Variants in SLC2A14 observed in about 807,000 individuals in gnomAD.
The protein encoded by SLC2A14 is solute carrier family 2 member 14, also known as solute carrier family 2, facilitated glucose transporter member 14.
Under a neutral mutation model 43.0 loss-of-function variants are expected in SLC2A14, and 13 were observed. The ratio of observed to expected loss-of-function variants is 0.30; its 90% confidence interval spans 0.20 to 0.48. The LOEUF (loss-of-function observed/expected upper bound fraction) is 0.48. Ranked by LOEUF, SLC2A14 falls within the 20% of genes least tolerant of loss-of-function variation. The probability of loss-of-function intolerance (pLI) is 0.99; values close to 1 mark genes in which losing one functional copy is unlikely to be tolerated. For missense variants in SLC2A14, 428 were observed against 620.4 expected (o/e 0.69, Z 3.29); for synonymous variants, 190 against 233.8 (o/e 0.81, Z 1.71).
intron 2 of SLC2A14, among the ~76,000 whole-genome samples, chr12:7,836,414 G>T (rs867722514): frequency 6.6e-6 from 1 of 152,130 alleles, no homozygotes; most frequent in African/African-American, 2.4e-5. Flanking sequence ...TAGAGACAGG[G>T]TTTCATCATG....
chr12:7,829,479 T>C lies in SLC2A14; in HGVS notation c.513+287A>G, dbSNP rs759826671. 9.4e-5 allele frequency among the ~76,000 whole-genome samples: 14 copies of C among 149,376 alleles called. No homozygotes were observed. In the South Asian group the frequency reaches 3.0e-3, roughly 32 times the overall value. ...GGAGGCTGAGGCATGAGAATCACTTTAACCCAGGAGGCAGAGGTTGGGCCG... is the reference window on the plus strand; with the variant it reads ...GGAGGCTGAGGCATGAGAATCACTTCAACCCAGGAGGCAGAGGTTGGGCCG... On this transcript the variant is annotated intron_variant, in intron 5 of 10. Transcript: ENST00000431042.
Position 7,829,905 on chromosome 12 carries a change from C to T in SLC2A14, c.374G>A (p.Arg125His), listed in dbSNP as rs770629394. The T allele has an allele frequency of 1.6e-5, 26 of 1,614,170 alleles. No homozygotes were observed. The Middle Eastern group carries it at 5.0e-4, about 31-fold the overall frequency. Residue 125 changes from arginine (R) to histidine (H), a missense_variant, in exon 5 of 11, where the codon CGC becomes CAC. Coordinates refer to ENST00000431042, the MANE Select transcript of SLC2A14 (RefSeq NM_001286234.2). The stretch of plus-strand genomic sequence containing the variant: ...TCCGCAGAAGAGGCCAATAACCAAG[C>T]GGCCCAGGATCAGCATTTCAACTGA... ...AESVEMLILG[R>H]LVIGLFCGLC...
At chr12:7,851,315 G>A (rs370781158) in intron 2 of SLC2A14, among the ~76,000 whole-genome samples, 4 of 152,194 alleles carry the variant, frequency 2.6e-5, no homozygotes, top group Middle Eastern at 3.4e-3. Flanking sequence ...AATACTTCCT[G>A]ACCAATGCAT....
At chr12:7,870,649 C>T (rs1351197122) in intron 1 of SLC2A14, among the ~76,000 whole-genome samples, 5 of 152,086 alleles carry the variant, frequency 3.3e-5, no homozygotes, top group Non-Finnish European at 5.9e-5. Context: ...CCTTCCCCAC[C>T]CTGCGCCTCA....
intron 2 of SLC2A14, among the ~76,000 whole-genome samples, chr12:7,848,846 G>A (rs1054820190): frequency 1.7e-4 from 25 of 151,156 alleles, no homozygotes; most frequent in African/African-American, 5.1e-4. Flanking sequence ...ATGAGCCACC[G>A]CGCCCGGCCT....
chr12:7,870,008 T>G, intron 1 of SLC2A14, 71 bp from the exon 2 acceptor site: 2 of 899,108 alleles, frequency 2.2e-6, no homozygotes, highest in Non-Finnish European at 3.3e-6. Context: ...GAGGCTGTGA[T>G]TTAGCCCCCT....
intron 2 of SLC2A14, among the ~76,000 whole-genome samples, chr12:7,853,460 G>C (rs1867104046): frequency 6.9e-6 from 1 of 144,356 alleles, no homozygotes; most frequent in Admixed American, 7.1e-5. Context: ...AAATTAGCCA[G>C]GCGTGGTGGC....
intron 2 of SLC2A14, among the ~76,000 whole-genome samples, chr12:7,868,883 G>A (rs1945066898): frequency 6.6e-6 from 1 of 152,058 alleles, no homozygotes; most frequent in Non-Finnish European, 1.5e-5. Flanking sequence ...GTTGGCTCAA[G>A]CCTGTAATCC....
intron 6 of SLC2A14, 113 bp downstream of exon 6, chr12:7,828,591 C>T: frequency 8.6e-7 from 1 of 1,161,480 alleles, no homozygotes; most frequent in Non-Finnish European, 1.2e-6. Context: ...ACCATCTTCA[C>T]TTGGATTCTG....
Position 7,817,839 on chromosome 12 carries a change from A to T in SLC2A14, c.1267T>A (p.Ser423Thr). ...SNFLVGLLFP[S>T]AAYYLGAYVF... ...AAGGTGAGTTTACTTACAGCAGCAG[A>T]GGGGAAGAGCAATCCGACTAGGAAG... The change falls in exon 10 of 11, where the codon TCT becomes ACT. Residue 423 changes from serine to threonine, a missense_variant. Ser to Thr is a moderately conservative substitution (Grantham distance 58, BLOSUM62 1). This residue lies in a region of SLC2A14 where 119 missense variants were observed against 188.7 expected (regional missense o/e 0.63). Transcript: ENST00000431042. 6.2e-7 allele frequency: 1 copy of T among 1,614,010 alleles called. No homozygotes were observed. Among genetic ancestry groups the T allele is most frequent in the Non-Finnish European group, 8.5e-7 (1 of 1,179,934 alleles).
intron 2 of SLC2A14, among the ~76,000 whole-genome samples, chr12:7,854,610 C>T (rs1261436295): frequency 6.6e-6 from 1 of 152,036 alleles, no homozygotes; most frequent in African/African-American, 2.4e-5. Context: ...CTCCGCCTCC[C>T]GGGTTCAAAC....
At chr12:7,837,038 A>G (rs4606545) in intron 2 of SLC2A14, among the ~76,000 whole-genome samples, 149,819 of 151,482 alleles carry the variant, frequency 0.99, 74,099 homozygotes, top group Middle Eastern at 1. Context: ...ATGGTGGCAC[A>G]TGCCTGTAAT....
intron 7 of SLC2A14, 86 bp from the exon 8 acceptor site, chr12:7,821,411 G>A: frequency 8.3e-7 from 1 of 1,207,000 alleles, no homozygotes; most frequent in Non-Finnish European, 1.2e-6. Context: ...GGCTGAGCGT[G>A]GTTGCACAGG....
At chr12:7,852,357 C>G (rs754706390) in intron 2 of SLC2A14, among the ~76,000 whole-genome samples, 7 of 152,000 alleles carry the variant, frequency 4.6e-5, no homozygotes, top group Non-Finnish European at 8.8e-5. Context: ...GTAAACTTTT[C>G]CATTTTACAA....
intron 7 of SLC2A14, among the ~76,000 whole-genome samples, chr12:7,825,917 G>C (rs1359881547): frequency 6.6e-6 from 1 of 151,860 alleles, no homozygotes; most frequent in Admixed American, 6.6e-5. Context: ...GCAGGGCCCA[G>C]ACTGTGGTGA....
At chr12:7,831,551 G>T in intron 4 of SLC2A14, 53 bp downstream of exon 4, 1 of 1,607,614 alleles carries the variant, frequency 6.2e-7, no homozygotes, top group Admixed American at 1.7e-5. Flanking sequence ...CTCCACACTT[G>T]TCCCCAATGC....
At chr12:7,817,781 C>A in intron 10 of SLC2A14, 50 bp downstream of exon 10, 1 of 657,890 alleles carries the variant, frequency 1.5e-6, no homozygotes, top group Non-Finnish European at 2.2e-6. Context: ...GATAGATAGA[C>A]AGATACATAG....
In SLC2A14 at chr12:7,851,128, C is replaced by T. The variant is rs759704774; in HGVS notation, c.19-18314G>A. Among the ~76,000 whole-genome samples, 137 of 152,246 alleles carry T rather than the reference C, an allele frequency of 9.0e-4. 1 individual carries two copies. The highest frequency in any genetic ancestry group is 3.0e-3 in the African/African-American group (123 of 41,544). On this transcript the variant is annotated intron_variant, in intron 2 of 10. Coordinates refer to ENST00000431042, the MANE Select transcript of SLC2A14 (RefSeq NM_001286234.2). ...AAAGACAAGGTTGGAAGTTAGAAAA[C>T]GTAAGTATCAGCACAGACTGTGGTA...
intron 7 of SLC2A14, among the ~76,000 whole-genome samples, chr12:7,825,390 G>A (rs1206849467): frequency 6.7e-6 from 1 of 148,894 alleles, no homozygotes; most frequent in East Asian, 2.0e-4. Flanking sequence ...AACCCAGGAG[G>A]TAGAGGTTGC....
Sources: allele counts gnomAD v4.1 joint callset (sites outside exome capture counted in the v4.1 genomes callset), GRCh38; gene constraint gnomAD v4.1.1; regional missense constraint gnomAD v4.1.1; transcripts MANE v1.5; gene names NCBI Gene and HGNC (gene_info 2026-07-23, HGNC 2026-07-21).